Variants in CNTNAP2 observed in about 807,000 individuals in gnomAD.
CNTNAP2 encodes the protein contactin-associated protein-like 2.
In CNTNAP2, 98 loss-of-function variants were observed where a neutral mutation model predicts 155.2. The observed-to-expected ratio is 0.63, with a 90% CI of 0.54 to 0.75. CNTNAP2 has a LOEUF of 0.75. Among genes scored for constraint, CNTNAP2 ranks in the 30% least tolerant of loss-of-function variants. The probability of loss-of-function intolerance (pLI) is 0.00; values close to 1 mark genes in which losing one functional copy is unlikely to be tolerated. For missense variants in CNTNAP2, 1,727 were observed against 1,688.1 expected (o/e 1.02, Z -0.40); for synonymous variants, 651 against 631.2 (o/e 1.03, Z -0.47).
In CNTNAP2 at chr7:146,183,726, C is replaced by T. The variant is rs144058188; in HGVS notation, c.97+66753C>T. Among the ~76,000 whole-genome samples, 556 of 152,192 alleles carry T rather than the reference C, an allele frequency of 3.7e-3. 2 individuals are homozygous for T. Among genetic ancestry groups the T allele is most frequent in the Admixed American group, 5.6e-3 (85 of 15,270 alleles). ...ATTTATATAAGGAACAGCTGGGTCA[C>T]TTCCATGACATTCAAGCTTGGGCTG... On this transcript the variant is annotated intron_variant, in intron 1 of 23. Transcript: ENST00000361727.
At chr7:146,549,281 TA>T (rs1161483737) in intron 1 of CNTNAP2, among the ~76,000 whole-genome samples, 3 of 152,046 alleles carry the variant, frequency 2.0e-5, no homozygotes, top group African/African-American at 7.2e-5. Context: ...AATTCTTTGA[TA>T]TTTTTAATAT....
At chr7:146,506,160 C>G (rs796236531) in intron 1 of CNTNAP2, among the ~76,000 whole-genome samples, 29 of 152,266 alleles carry the variant, frequency 1.9e-4, no homozygotes, top group African/African-American at 6.7e-4. Flanking sequence ...GTTGGTTGGC[C>G]ATCCTGCAAG....
chr7:147,131,870 T>C (rs1801380265), intron 7 of CNTNAP2, among the ~76,000 whole-genome samples: 1 of 151,918 alleles, frequency 6.6e-6, no homozygotes, highest in Non-Finnish European at 1.5e-5. Flanking sequence ...TCTCTCTCCC[T>C]GACTTATGTT....
At chr7:146,559,641 C>A (rs1359213023) in intron 1 of CNTNAP2, among the ~76,000 whole-genome samples, 1 of 151,922 alleles carries the variant, frequency 6.6e-6, no homozygotes, top group African/African-American at 2.4e-5. Flanking sequence ...ATGAATAAGG[C>A]ATTTATAAAT....
intron 1 of CNTNAP2, among the ~76,000 whole-genome samples, chr7:146,659,106 C>A (rs1800041923): frequency 6.6e-6 from 1 of 152,124 alleles, no homozygotes; most frequent in Admixed American, 6.6e-5. Context: ...ATTTTACCCC[C>A]AAACCTGATG....
intron 2 of CNTNAP2, among the ~76,000 whole-genome samples, chr7:146,777,073 C>CA (rs1802402502): frequency 6.6e-6 from 1 of 152,042 alleles, no homozygotes; most frequent in Non-Finnish European, 1.5e-5. Flanking sequence ...AACTATAAAA[C>CA]AAAAGTTACA....
intron 13 of CNTNAP2, among the ~76,000 whole-genome samples, chr7:147,711,439 C>T (rs1007644728): frequency 5.9e-5 from 9 of 152,096 alleles, no homozygotes; most frequent in East Asian, 1.9e-4. Context: ...TCCCAATGTA[C>T]GAAGGGATGA....
chr7:148,342,598 A>T (rs1390813151), intron 21 of CNTNAP2, among the ~76,000 whole-genome samples: 2 of 152,170 alleles, frequency 1.3e-5, no homozygotes, highest in Non-Finnish European at 2.9e-5. Flanking sequence ...TCATAGTCAA[A>T]ATTCATTTTT....
intron 13 of CNTNAP2, among the ~76,000 whole-genome samples, chr7:147,788,931 G>A (rs1427687793): frequency 1.8e-5 from 2 of 111,832 alleles, no homozygotes; most frequent in Non-Finnish European, 3.4e-5. Context: ...TTGAGACAGT[G>A]TCTTGCTCTG....
intron 1 of CNTNAP2, among the ~76,000 whole-genome samples, chr7:146,676,017 T>G (rs1351599039): frequency 6.6e-6 from 1 of 152,186 alleles, no homozygotes; most frequent in African/African-American, 2.4e-5. Flanking sequence ...CTATAACATT[T>G]GGATTCTTTT....
At chr7:147,709,267 T>C (rs1029195851) in intron 13 of CNTNAP2, among the ~76,000 whole-genome samples, 1 of 152,124 alleles carries the variant, frequency 6.6e-6, no homozygotes, top group African/African-American at 2.4e-5. Flanking sequence ...TTTGAGCTGG[T>C]AAAGAATTTT....
chr7:147,528,491 C>G (rs1799367958), intron 11 of CNTNAP2, among the ~76,000 whole-genome samples: 1 of 152,174 alleles, frequency 6.6e-6, no homozygotes, highest in Non-Finnish European at 1.5e-5. Context: ...CTAGCTTTCC[C>G]TCTCTCCTTT....
chr7:147,983,961 T>A (rs1801575488), intron 15 of CNTNAP2, among the ~76,000 whole-genome samples: 1 of 152,224 alleles, frequency 6.6e-6, no homozygotes, highest in Non-Finnish European at 1.5e-5. Flanking sequence ...TGATAGAGAT[T>A]ATTCATAGAT....
intron 13 of CNTNAP2, among the ~76,000 whole-genome samples, chr7:147,847,955 C>G (rs1262275929): frequency 1.5e-5 from 2 of 133,452 alleles, no homozygotes; most frequent in Non-Finnish European, 3.3e-5. Context: ...TCTGCCCGTT[C>G]TCAGATCGCC....
At chr7:146,781,333 A>ATGT (rs1802485358) in intron 2 of CNTNAP2, among the ~76,000 whole-genome samples, 1 of 147,836 alleles carries the variant, frequency 6.8e-6, no homozygotes, top group African/African-American at 2.6e-5. Flanking sequence ...CATTCTGCCC[A>ATGT]TGTATTCCAG....
chr7:146,164,971 A>G (rs1206898138), intron 1 of CNTNAP2, among the ~76,000 whole-genome samples: 1 of 152,170 alleles, frequency 6.6e-6, no homozygotes, highest in East Asian at 1.9e-4. Flanking sequence ...GTTAAAGCCT[A>G]AAGTAATCTA....
At chr7:146,193,347 C>T (rs1211653111) in intron 1 of CNTNAP2, among the ~76,000 whole-genome samples, 6 of 152,210 alleles carry the variant, frequency 3.9e-5, no homozygotes, top group Admixed American at 6.5e-5. Flanking sequence ...ATGAGGGCCC[C>T]TCCCCTGCAG....
At chr7:147,279,798 A>T (rs1174982175) in intron 8 of CNTNAP2, among the ~76,000 whole-genome samples, 2 of 151,908 alleles carry the variant, frequency 1.3e-5, no homozygotes, top group African/African-American at 2.4e-5. Context: ...AGAATGAAAT[A>T]ACTATATGAT....
At chr7:148,401,949 A>T (rs1305514243) in intron 22 of CNTNAP2, among the ~76,000 whole-genome samples, 1 of 152,220 alleles carries the variant, frequency 6.6e-6, no homozygotes, top group African/African-American at 2.4e-5. Context: ...CAGACAAAAG[A>T]GTACAATGTC....
Sources: allele counts gnomAD v4.1 joint callset (sites outside exome capture counted in the v4.1 genomes callset), GRCh38; gene constraint gnomAD v4.1.1; transcripts MANE v1.5; gene names NCBI Gene and HGNC (gene_info 2026-07-23, HGNC 2026-07-21).